PHF24: variants seen among roughly 807,000 people sequenced by gnomAD.
The protein encoded by PHF24 is PHD finger protein 24, also known as Galpha inhibitory interacting protein.
Under a neutral mutation model 42.6 loss-of-function variants are expected in PHF24, and 25 were observed. The observed-to-expected ratio is 0.59, with a 90% confidence interval of 0.43 to 0.82. PHF24 has a LOEUF of 0.82. Among genes scored for constraint, PHF24 ranks in the 40% least tolerant of loss-of-function variants. PHF24 has a pLI of 0.00. For missense variants in PHF24, 470 were observed against 538.1 expected (o/e 0.87, Z 1.25); for synonymous variants, 185 against 204.8 (o/e 0.90, Z 0.83).
At chr9:34,846,970 G>A in the PHF24 span, among the ~76,000 whole-genome samples, 1 of 152,044 alleles carries the variant, frequency 6.6e-6, no homozygotes, top group Non-Finnish European at 1.5e-5. Context: ...TCTCTGTTTT[G>A]GTACTAGTAC....
chr9:34,933,032 C>G, the PHF24 span, among the ~76,000 whole-genome samples: 1 of 149,006 alleles, frequency 6.7e-6, no homozygotes, highest in African/African-American at 2.5e-5. Flanking sequence ...GATATGTTGC[C>G]CAGTCTGGCC....
chr9:34,771,238 T>TTAC, the PHF24 span, among the ~76,000 whole-genome samples: 1 of 152,202 alleles, frequency 6.6e-6, no homozygotes, highest in Admixed American at 6.5e-5. Flanking sequence ...TAGACTGTAT[T>TTAC]TACACAAACC....
the PHF24 span, chr9:34,689,804 C>T: frequency 1.6e-4 from 257 of 1,614,158 alleles, no homozygotes; most frequent in Middle Eastern, 9.9e-4. The surrounding 1 kb of genome is among the most constrained non-coding windows in gnomAD (Gnocchi z 4.1). Flanking sequence ...CGGGCTCCCT[C>T]TGCACGGTCA....
the PHF24 span, chr9:34,833,385 G>A: frequency 1.9e-6 from 3 of 1,551,058 alleles, no homozygotes. Flanking sequence ...TGGTTCTGCT[G>A]CACTGCCTTC....
At chr9:34,847,343 T>G in the PHF24 span, among the ~76,000 whole-genome samples, 2 of 152,230 alleles carry the variant, frequency 1.3e-5, no homozygotes, top group Non-Finnish European at 2.9e-5. Context: ...TTCCTAGGTA[T>G]TTTATTCTCT....
the PHF24 span, among the ~76,000 whole-genome samples, chr9:34,874,516 C>G: frequency 6.6e-6 from 1 of 152,082 alleles, no homozygotes; most frequent in Non-Finnish European, 1.5e-5. Context: ...ATTTGTTGCT[C>G]CAGACATTTT....
At chr9:34,934,764 G>C in the PHF24 span, among the ~76,000 whole-genome samples, 2 of 152,170 alleles carry the variant, frequency 1.3e-5, no homozygotes, top group African/African-American at 2.4e-5. Context: ...GAAATACCAG[G>C]TTGACAAATT....
rs1826476119 is a variant in PHF24, at chr9:34,958,576, CT to C, written c.-5+176del. Among the ~76,000 whole-genome samples, 2 of 152,154 alleles carry C rather than the reference CT, an allele frequency of 1.3e-5. No homozygotes were observed. The highest frequency in any genetic ancestry group is 2.1e-4 in the South Asian group (1 of 4,830). ...CTGCCTCTACGCCTTGGGGGAGTCC[CT>C]GAGGTGCTGTGGGGAGCCGCCCCCA... On this transcript the variant is annotated intron_variant, in intron 1 of 7. Coordinates refer to ENST00000242315, the Ensembl canonical transcript of PHF24. This position sits in a 1 kb window ranked among gnomAD's most constrained non-coding sequence, Gnocchi z 4.5.
At chr9:34,879,891 A>G in the PHF24 span, among the ~76,000 whole-genome samples, 2 of 152,034 alleles carry the variant, frequency 1.3e-5, no homozygotes, top group African/African-American at 4.8e-5. Context: ...TCCAAGACAC[A>G]TAATTATCAG....
the PHF24 span, chr9:34,728,036 G>A: frequency 9.0e-6 from 14 of 1,552,082 alleles, no homozygotes; most frequent in African/African-American, 1.9e-4. Context: ...TAATGATGGA[G>A]AGCAGCTTCT....
the PHF24 span, among the ~76,000 whole-genome samples, chr9:34,680,685 C>G: frequency 3.0e-3 from 189 of 62,532 alleles, no homozygotes; most frequent in African/African-American, 7.4e-3. Flanking sequence ...GAGACTCCGT[C>G]TCAAAAAAAA....
chr9:34,850,387 G>T, the PHF24 span, among the ~76,000 whole-genome samples: 3 of 151,966 alleles, frequency 2.0e-5, no homozygotes, highest in East Asian at 3.8e-4. Context: ...CTTCCAGTTG[G>T]TCTCATCGGC....
chr9:34,820,370 T>G, the PHF24 span, among the ~76,000 whole-genome samples: 1 of 152,078 alleles, frequency 6.6e-6, no homozygotes, highest in African/African-American at 2.4e-5. Context: ...AGTTTTTCGA[T>G]CCTCACCCTC....
At chr9:34,899,978 A>C in the PHF24 span, among the ~76,000 whole-genome samples, 2 of 152,110 alleles carry the variant, frequency 1.3e-5, no homozygotes, top group African/African-American at 2.4e-5. Flanking sequence ...AATAACCCTC[A>C]AGCAAGAAGG....
At chr9:34,707,006 G>T in the PHF24 span, among the ~76,000 whole-genome samples, 2 of 151,886 alleles carry the variant, frequency 1.3e-5, no homozygotes, top group African/African-American at 2.4e-5. Flanking sequence ...AAGTAAACTT[G>T]TAAACTTGGG....
the PHF24 span, among the ~76,000 whole-genome samples, chr9:34,797,046 T>C: frequency 6.6e-6 from 1 of 152,198 alleles, no homozygotes; most frequent in Non-Finnish European, 1.5e-5. Flanking sequence ...AAAGGCCTTA[T>C]GCTGAGTGAA....
At chr9:34,770,387 G>A in the PHF24 span, among the ~76,000 whole-genome samples, 11 of 152,130 alleles carry the variant, frequency 7.2e-5, no homozygotes, top group Non-Finnish European at 1.6e-4. Flanking sequence ...GGCAAGATGA[G>A]GAGCTACTGC....
chr9:34,872,077 A>G, the PHF24 span, among the ~76,000 whole-genome samples: 1 of 152,006 alleles, frequency 6.6e-6, no homozygotes, highest in East Asian at 1.9e-4. Context: ...GCATATGTAT[A>G]TATTTATTTG....
At chr9:34,817,623 C>A in the PHF24 span, among the ~76,000 whole-genome samples, 1 of 152,042 alleles carries the variant, frequency 6.6e-6, no homozygotes. Context: ...TTATCAGACA[C>A]GTGATTTGCA....
Sources: gnomAD v4.1 joint callset for allele counts (sites outside exome capture counted in the v4.1 genomes callset) on GRCh38, gnomAD v4.1.1 for gene constraint, Gnocchi (gnomAD v3.1) non-coding constraint, MANE v1.5 for transcripts, NCBI Gene and HGNC (gene_info 2026-07-23, HGNC 2026-07-21) for gene names.